The following HDHD2 variants were observed in gnomAD, a reference collection of about 807,000 sequenced individuals.
HDHD2 encodes the protein haloacid dehalogenase-like hydrolase domain-containing protein 2.
Under a neutral mutation model 24.8 loss-of-function variants are expected in HDHD2, and 26 were observed. The observed-to-expected ratio is 1.05, with a 90% confidence interval of 0.77 to 1.45. The LOEUF (loss-of-function observed/expected upper bound fraction) is 1.45, where lower values mean the gene tolerates loss of function less well. Among genes scored for constraint, HDHD2 ranks in the 40% most tolerant of loss-of-function variants. The pLI is 0.00. For missense variants in HDHD2, 299 were observed against 313.4 expected, an observed-to-expected ratio of 0.95 and a Z score of 0.35; for synonymous variants, 128 against 114.9, an observed-to-expected ratio of 1.11 and a Z score of -0.73.
intron 1 of HDHD2, among the ~76,000 whole-genome samples, chr18:47,141,038 C>T (rs1439891241): frequency 6.6e-6 from 1 of 152,090 alleles, no homozygotes; most frequent in African/African-American, 2.4e-5. Flanking sequence ...AGCATGCATC[C>T]TTATTCTGTT....
chr18:47,137,588 G>C (rs1428129561), intron 1 of HDHD2, among the ~76,000 whole-genome samples: 1 of 152,086 alleles, frequency 6.6e-6, no homozygotes, highest in Non-Finnish European at 1.5e-5. Context: ...TTCTCCATTA[G>C]TGGCATGTTC....
intron 4 of HDHD2, among the ~76,000 whole-genome samples, chr18:47,122,499 G>A (rs1036887510): frequency 3.9e-5 from 6 of 152,102 alleles, no homozygotes; most frequent in Non-Finnish European, 7.4e-5. Flanking sequence ...ATATTCCTTA[G>A]GGGGCAAAAC....
intron 3 of HDHD2, among the ~76,000 whole-genome samples, chr18:47,133,601 G>C (rs920232677): frequency 2.0e-5 from 3 of 151,888 alleles, no homozygotes; most frequent in Non-Finnish European, 4.4e-5. Flanking sequence ...CAACAACAGT[G>C]TAAAAGTGTT....
intron 4 of HDHD2, among the ~76,000 whole-genome samples, chr18:47,127,093 G>A (rs1346228424): frequency 2.6e-5 from 4 of 152,016 alleles, no homozygotes; most frequent in Non-Finnish European, 4.4e-5. Flanking sequence ...CCCGGAAGGC[G>A]GAGCTTGCAG....
At chr18:47,110,365 C>A in intron 6 of HDHD2, 7 of 985,380 alleles carry the variant, frequency 7.1e-6, no homozygotes, top group Non-Finnish European at 8.4e-6. Flanking sequence ...GCATGGTCCC[C>A]GCAGCAAGCT....
At chr18:47,118,962 C>T (rs1026909852) in intron 4 of HDHD2, among the ~76,000 whole-genome samples, 7 of 152,126 alleles carry the variant, frequency 4.6e-5, no homozygotes, top group Non-Finnish European at 1.0e-4. Context: ...CAGCAAGTAT[C>T]GCAATAAAGC....
chr18:47,112,981 C>T lies in HDHD2; in HGVS notation c.672G>A (p.Lys224=). The part of the protein sequence containing the change: ...QDVGMLGILV[K]TGKYRASDEE... ...CTTTATACAGAAGATACATACCAGTCTTTACTAAGATGCCCAGCATGCCGA... is the reference window on the plus strand; with the variant it reads ...CTTTATACAGAAGATACATACCAGTTTTTACTAAGATGCCCAGCATGCCGA... Residue 224 remains lysine (K), a synonymous_variant, in exon 6 of 7, where the codon AAG becomes AAA. Transcript: ENST00000300605. 6.2e-7 allele frequency: 1 copy of T among 1,613,196 alleles called. No homozygotes were observed. Among genetic ancestry groups the T allele is most frequent in the Non-Finnish European group, 8.5e-7 (1 of 1,179,158 alleles).
At chr18:47,139,791 A>G (rs1228041454) in intron 1 of HDHD2, among the ~76,000 whole-genome samples, 1 of 152,192 alleles carries the variant, frequency 6.6e-6, no homozygotes, top group Non-Finnish European at 1.5e-5. Context: ...GCTGATGGGG[A>G]AAAACCTCCA....
At position 47,107,779 on chromosome 18, in the gene HDHD2, G is replaced by T. The variant is rs184038416; in HGVS notation, c.*903C>A. On this transcript the variant is annotated 3_prime_UTR_variant, in exon 7 of 7. Transcript: ENST00000300605. Reference sequence around the variant, plus strand: ...TAGCTTCTAAAAAATTTTTCCCATAGTGTCAGAGGCAAAAATAATGAAATC... The same window carrying T: ...TAGCTTCTAAAAAATTTTTCCCATATTGTCAGAGGCAAAAATAATGAAATC... 1.3e-5 allele frequency: 2 copies of T among 152,590 alleles called. No homozygotes were observed. Among genetic ancestry groups the T allele is most frequent in the Non-Finnish European group, 2.9e-5 (2 of 68,022 alleles). The allele number at this position is 152,590 out of a possible 1,614,324, so 9.5% of individuals were successfully genotyped here. A position where few individuals can be genotyped will look rare whatever the true frequency, so the allele number is the denominator to read the frequency against.
intron 1 of HDHD2, among the ~76,000 whole-genome samples, chr18:47,142,305 A>T (rs2063827051): frequency 6.6e-6 from 1 of 152,076 alleles, no homozygotes; most frequent in Admixed American, 6.5e-5. Flanking sequence ...GTAGAAAAAA[A>T]TTTTCTTTCC....
At chr18:47,129,857 T>C (rs781260606) in intron 4 of HDHD2, among the ~76,000 whole-genome samples, 15 of 152,092 alleles carry the variant, frequency 9.9e-5, no homozygotes, top group African/African-American at 3.4e-4. Flanking sequence ...GCAGATTGCT[T>C]GAGCCCAAGA....
chr18:47,141,838 G>T (rs1216232401), intron 1 of HDHD2, among the ~76,000 whole-genome samples: 2 of 152,106 alleles, frequency 1.3e-5, no homozygotes, highest in Non-Finnish European at 2.9e-5. Flanking sequence ...GTTCCCACTC[G>T]AATCTCATCT....
intron 6 of HDHD2, among the ~76,000 whole-genome samples, chr18:47,112,145 T>C (rs2063520675): frequency 6.6e-6 from 1 of 152,230 alleles, no homozygotes; most frequent in South Asian, 2.1e-4. Context: ...CTCATTAAGT[T>C]CCCAATGCAA....
At chr18:47,110,666 T>A (rs1175766681) in intron 6 of HDHD2, 2 of 985,250 alleles carry the variant, frequency 2.0e-6, no homozygotes, top group Non-Finnish European at 2.4e-6. Context: ...TAACGTTCGT[T>A]GAGTGAATGG....
intron 6 of HDHD2, among the ~76,000 whole-genome samples, chr18:47,112,253 G>A (rs759671480): frequency 3.3e-5 from 5 of 152,068 alleles, no homozygotes; most frequent in Non-Finnish European, 7.4e-5. Context: ...AACTATGAGG[G>A]CGAGATGGGA....
At chr18:47,149,539 T>C (rs895117837) in intron 1 of HDHD2, among the ~76,000 whole-genome samples, 3 of 152,038 alleles carry the variant, frequency 2.0e-5, no homozygotes, top group Non-Finnish European at 1.5e-5. Context: ...TCCAACACAT[T>C]TGTCTCTACT....
At chr18:47,115,632 T>G (rs1387108690) in intron 4 of HDHD2, among the ~76,000 whole-genome samples, 1 of 152,094 alleles carries the variant, frequency 6.6e-6, no homozygotes, top group Non-Finnish European at 1.5e-5. Context: ...GAAAGAGAAT[T>G]AAGAGAACTA....
intron 1 of HDHD2, among the ~76,000 whole-genome samples, chr18:47,148,297 TG>T (rs1164764959): frequency 2.0e-5 from 3 of 152,190 alleles, no homozygotes; most frequent in African/African-American, 7.2e-5. Context: ...TGTCTGAACA[TG>T]TATAATACTC....
chr18:47,107,729 G>A lies in HDHD2; in HGVS notation c.*953C>T, dbSNP rs73954232. 2 of 152,534 alleles carry A rather than the reference G, an allele frequency of 1.3e-5. No individual in the cohort carries two copies. Among genetic ancestry groups the A allele is most frequent in the East Asian group, 1.9e-4 (1 of 5,194 alleles). 9.4% of individuals were successfully genotyped at this position (152,534 alleles called of 1,614,324 possible). A position where few individuals can be genotyped will look rare whatever the true frequency, so the allele number is the denominator to read the frequency against. On this transcript the variant is annotated 3_prime_UTR_variant, in exon 7 of 7. Transcript: ENST00000300605. ...CATTTTACAGCTGTAGTAACCAAGTGCATAAAAGCTTGAATCTGTCCCAAT... is the reference window on the plus strand; with the variant it reads ...CATTTTACAGCTGTAGTAACCAAGTACATAAAAGCTTGAATCTGTCCCAAT...
Sources: gnomAD v4.1 joint callset for allele counts (sites outside exome capture counted in the v4.1 genomes callset) on GRCh38, gnomAD v4.1.1 for gene constraint, MANE v1.5 for transcripts, NCBI Gene and HGNC (gene_info 2026-07-23, HGNC 2026-07-21) for gene names.